Variants in RANBP2 observed in about 807,000 individuals in gnomAD.
RANBP2 encodes the protein E3 SUMO-protein ligase RanBP2.
RANBP2 carries 57 observed loss-of-function variants against 303.6 expected under a neutral mutation model. The ratio of observed to expected loss-of-function variants is 0.19; its 90% CI spans 0.15 to 0.23. The LOEUF (loss-of-function observed/expected upper bound fraction) is 0.23, where lower values mean the gene tolerates loss of function less well. Among genes scored for constraint, RANBP2 ranks in the 10% least tolerant of loss-of-function variants. The pLI, the probability that RANBP2 is intolerant of heterozygous loss-of-function variation, is 1.00. For missense variants in RANBP2, 3,138 were observed against 3,780.8 expected (o/e 0.83, Z 4.46); for synonymous variants, 1,167 against 1,301.5 (o/e 0.90, Z 2.23).
At chr2:109,422,764 CT>C in the RANBP2 span, among the ~76,000 whole-genome samples, 11 of 152,148 alleles carry the variant, frequency 7.2e-5, no homozygotes, top group Non-Finnish European at 1.0e-4. Context: ...TAGGTTGCCC[CT>C]GATTTTGAAG....
At chr2:108,815,461 G>GTTTTTTTTTTTTT in the RANBP2 span, among the ~76,000 whole-genome samples, 3 of 70,742 alleles carry the variant, frequency 4.2e-5, no homozygotes, top group Admixed American at 2.1e-4. Context: ...GGTTTTTGGT[G>GTTTTTTTTTTTTT]TTTTTTTTTT....
At chr2:109,544,565 A>G in the RANBP2 span, 1 of 982,866 alleles carries the variant, frequency 1.0e-6, no homozygotes. Context: ...GAGCAGGGTG[A>G]TAATTTTTAC....
chr2:109,251,562 G>C, the RANBP2 span: 2 of 799,590 alleles, frequency 2.5e-6, no homozygotes, highest in African/African-American at 3.4e-5. Flanking sequence ...AATGTGTGGA[G>C]ATGGCGACTG....
the RANBP2 span, among the ~76,000 whole-genome samples, chr2:109,534,508 C>T: frequency 6.6e-6 from 1 of 152,198 alleles, no homozygotes; most frequent in East Asian, 1.9e-4. Context: ...GGCTGGACAC[C>T]GTGGCTCACA....
At chr2:109,609,364 AAC>A in the RANBP2 span, among the ~76,000 whole-genome samples, 109 of 152,340 alleles carry the variant, frequency 7.2e-4, no homozygotes, top group African/African-American at 2.3e-3. Context: ...TCTTCCAGAA[AAC>A]AGATCATTTA....
chr2:109,799,263 G>A, the RANBP2 span, among the ~76,000 whole-genome samples: 11 of 136,732 alleles, frequency 8.0e-5, no homozygotes, highest in African/African-American at 2.6e-4. Flanking sequence ...AAAGGAAGGG[G>A]GGAACAGGCC....
the RANBP2 span, among the ~76,000 whole-genome samples, chr2:109,332,452 C>T: frequency 6.6e-6 from 1 of 152,188 alleles, no homozygotes; most frequent in Non-Finnish European, 1.5e-5. Context: ...GGGCTTGGGG[C>T]TGAGTGCAGC....
the RANBP2 span, among the ~76,000 whole-genome samples, chr2:109,716,438 G>C: frequency 6.6e-6 from 1 of 152,014 alleles, no homozygotes; most frequent in African/African-American, 2.4e-5. Context: ...ATTTAGTAGA[G>C]ACCGGGTTTC....
At chr2:109,132,668 C>G in the RANBP2 span, among the ~76,000 whole-genome samples, 45 of 152,312 alleles carry the variant, frequency 3.0e-4, no homozygotes, top group Middle Eastern at 3.4e-3. Context: ...ATATGTGTTA[C>G]TTCTTGAAGT....
At chr2:109,052,717 C>G in the RANBP2 span, among the ~76,000 whole-genome samples, 3 of 152,156 alleles carry the variant, frequency 2.0e-5, no homozygotes, top group Non-Finnish European at 4.4e-5. Flanking sequence ...CCAGGCTAGT[C>G]TCAAACTCCT....
At chr2:109,082,280 C>A in the RANBP2 span, among the ~76,000 whole-genome samples, 1 of 152,152 alleles carries the variant, frequency 6.6e-6, no homozygotes, top group East Asian at 1.9e-4. Flanking sequence ...CCTTAGCACC[C>A]CTTTTTTATT....
At chr2:109,064,465 A>AAAC in the RANBP2 span, among the ~76,000 whole-genome samples, 2 of 148,358 alleles carry the variant, frequency 1.3e-5, no homozygotes, top group Non-Finnish European at 3.0e-5. Flanking sequence ...CAAAAAAAAA[A>AAAC]AAAAAACAAA....
the RANBP2 span, among the ~76,000 whole-genome samples, chr2:109,470,761 C>G: frequency 2.0e-5 from 3 of 152,210 alleles, no homozygotes; most frequent in African/African-American, 7.2e-5. Flanking sequence ...CTCAGCCACC[C>G]CTGTTCCACA....
At chr2:109,484,890 A>G in the RANBP2 span, among the ~76,000 whole-genome samples, 1 of 152,168 alleles carries the variant, frequency 6.6e-6, no homozygotes, top group African/African-American at 2.4e-5. Flanking sequence ...ACCCAGTGAC[A>G]ACTATCTCCC....
chr2:109,118,541 G>A, the RANBP2 span, among the ~76,000 whole-genome samples: 1 of 147,682 alleles, frequency 6.8e-6, no homozygotes, highest in South Asian at 2.4e-4. Flanking sequence ...CACCGCAGCC[G>A]GCCACTCAGC....
chr2:109,556,713 C>A, the RANBP2 span, among the ~76,000 whole-genome samples: 388 of 151,916 alleles, frequency 2.6e-3, 2 homozygotes, highest in Non-Finnish European at 4.5e-3. Context: ...TCTTTAGAAA[C>A]CTCCCTACAT....
the RANBP2 span, among the ~76,000 whole-genome samples, chr2:109,107,252 C>T: frequency 6.7e-6 from 1 of 150,198 alleles, no homozygotes; most frequent in Admixed American, 6.7e-5. Context: ...CTGCCAAAGA[C>T]TTCCAGAGTT....
At chr2:109,731,567 G>T in the RANBP2 span, among the ~76,000 whole-genome samples, 1 of 151,960 alleles carries the variant, frequency 6.6e-6, no homozygotes, top group East Asian at 2.0e-4. Flanking sequence ...GCTAATTTTT[G>T]TATTTTTAGT....
At chr2:109,448,227 G>A in the RANBP2 span, among the ~76,000 whole-genome samples, 1 of 152,136 alleles carries the variant, frequency 6.6e-6, no homozygotes, top group Non-Finnish European at 1.5e-5. Context: ...GCTTTCACAG[G>A]CTTTATGTTT....
Sources: allele counts gnomAD v4.1 joint callset (sites outside exome capture counted in the v4.1 genomes callset), GRCh38; gene constraint gnomAD v4.1.1; transcripts MANE v1.5; gene names NCBI Gene and HGNC (gene_info 2026-07-23, HGNC 2026-07-21).